The following GALK2 variants were observed in gnomAD, a reference collection of about 807,000 sequenced individuals.
GALK2 encodes the protein galactokinase 2.
A neutral mutation model predicts 52.4 loss-of-function variants in GALK2; 36 were observed. That is an observed-to-expected ratio of 0.69 (90% CI 0.53 to 0.91). The LOEUF is 0.91. Among genes scored for constraint, GALK2 ranks in the 40% least tolerant of loss-of-function variants. The pLI is 0.00. For synonymous variants in GALK2, 176 were observed against 199.1 expected (o/e 0.88, Z 0.98); for missense variants, 579 against 559.1 (o/e 1.04, Z -0.36).
At chr15:49,198,946 G>A (rs28479967) in intron 1 of GALK2, 51,152 of 149,636 alleles carry the variant, frequency 0.34, 9,282 homozygotes, top group East Asian at 0.58. Flanking sequence ...GTGGCTACTC[G>A]CAGGCAGGAT....
chr15:49,326,255 ATTTTTT>A (rs35381509), intron 9 of GALK2, among the ~76,000 whole-genome samples: 11 of 100,700 alleles, frequency 1.1e-4, no homozygotes, highest in African/African-American at 2.2e-4. Flanking sequence ...TATGACAACC[ATTTTTT>A]TTTTTTTTTT....
chr15:49,224,552 C>T (rs533997146), intron 3 of GALK2, among the ~76,000 whole-genome samples: 1 of 152,294 alleles, frequency 6.6e-6, no homozygotes, highest in East Asian at 1.9e-4. Context: ...TACGGCTAAC[C>T]AGTTATACCA....
intron 2 of GALK2, among the ~76,000 whole-genome samples, chr15:49,216,938 C>T (rs1176069394): frequency 2.0e-5 from 3 of 152,096 alleles, no homozygotes; most frequent in African/African-American, 4.8e-5. Context: ...ATGTTAAAAC[C>T]AGGTACTGTG....
intron 2 of GALK2, among the ~76,000 whole-genome samples, chr15:49,210,779 C>T (rs1341051015): frequency 6.6e-6 from 1 of 151,776 alleles, no homozygotes. Context: ...TGTAGTCTCG[C>T]CCTGTTGCCC....
intron 3 of GALK2, among the ~76,000 whole-genome samples, chr15:49,352,695 G>C (rs181267630): frequency 1.1e-4 from 17 of 152,248 alleles, no homozygotes; most frequent in African/African-American, 4.1e-4. Flanking sequence ...AGATAAGACA[G>C]TGAACAAATT....
chr15:49,187,693 C>A (rs1355636277), intron 1 of GALK2, among the ~76,000 whole-genome samples: 1 of 152,100 alleles, frequency 6.6e-6, no homozygotes, highest in Non-Finnish European at 1.5e-5. Context: ...AAGTATTTCC[C>A]TGTAGCCACC....
chr15:49,288,721 G>A (rs1021033847), intron 7 of GALK2, among the ~76,000 whole-genome samples: 2 of 152,232 alleles, frequency 1.3e-5, no homozygotes, highest in Admixed American at 1.3e-4. Context: ...GTGTTTAGTG[G>A]AACCAGATTG....
chr15:49,223,583 C>T (rs2089955386), intron 3 of GALK2, among the ~76,000 whole-genome samples: 1 of 152,162 alleles, frequency 6.6e-6, no homozygotes, highest in South Asian at 2.1e-4. Flanking sequence ...TTGTTCCCAT[C>T]TTTATGTCCC....
intron 5 of GALK2, among the ~76,000 whole-genome samples, chr15:49,248,339 C>T (rs986432710): frequency 1.3e-5 from 2 of 152,166 alleles, no homozygotes; most frequent in Non-Finnish European, 2.9e-5. Context: ...TTTCAGTTTG[C>T]TTAGAATAAC....
intron 3 of GALK2, among the ~76,000 whole-genome samples, chr15:49,350,447 A>G (rs2042080576): frequency 6.6e-6 from 1 of 152,230 alleles, no homozygotes; most frequent in Non-Finnish European, 1.5e-5. Flanking sequence ...ATGTAAAAGT[A>G]TCATTGACTG....
chr15:49,171,841 C>A lies in GALK2; in HGVS notation c.53+1466C>A, dbSNP rs190148735. Among the ~76,000 whole-genome samples, 5 of 151,582 alleles carry A rather than the reference C, an allele frequency of 3.3e-5. No homozygotes were observed. The East Asian group carries it at 9.7e-4, about 29-fold the overall frequency. On this transcript the variant is annotated intron_variant, in intron 1 of 9. Coordinates refer to ENST00000560031, the MANE Select transcript of GALK2 (RefSeq NM_002044.4). ...GGCTGGAGTATAGTGGCGCAGTCTC[C>A]GCTCACTGCAACCTCCACCTCCCAG...
At position 49,328,466 on chromosome 15, in the gene GALK2, T is replaced by C; in HGVS notation, c.*307T>C. The C allele has an allele frequency of 6.6e-7, 1 of 1,520,072 alleles. No individual in the cohort carries two copies. Among genetic ancestry groups the C allele is most frequent in the Non-Finnish European group, 8.8e-7 (1 of 1,133,852 alleles). 94.2% of individuals were successfully genotyped at this position (1,520,072 alleles called of 1,614,324 possible). ...GAATGGTAAAACACACTCTTAATAC[T>C]GATTACATGGATTGGACTTGAATTA... On this transcript the variant is annotated 3_prime_UTR_variant, in exon 10 of 10. Coordinates refer to ENST00000560031, the MANE Select transcript of GALK2 (RefSeq NM_002044.4).
At chr15:49,185,243 T>G (rs535270642) in intron 1 of GALK2, among the ~76,000 whole-genome samples, 1 of 152,322 alleles carries the variant, frequency 6.6e-6, no homozygotes, top group East Asian at 1.9e-4. Flanking sequence ...TGTTTTCTGT[T>G]TATGTGTTTA....
chr15:49,272,770 CAT>C (rs1324505885), intron 5 of GALK2, among the ~76,000 whole-genome samples: 11 of 152,290 alleles, frequency 7.2e-5, no homozygotes, highest in African/African-American at 2.6e-4. Context: ...AGAAACCTAT[CAT>C]AGACATTTCC....
chr15:49,278,903 A>T (rs916794784), intron 5 of GALK2, among the ~76,000 whole-genome samples: 1 of 152,264 alleles, frequency 6.6e-6, no homozygotes, highest in African/African-American at 2.4e-5. Context: ...GGAAACTTAC[A>T]ATCATGGCAG....
At chr15:49,204,151 T>G (rs2141320484) in intron 2 of GALK2, among the ~76,000 whole-genome samples, 1 of 152,182 alleles carries the variant, frequency 6.6e-6, no homozygotes, top group Non-Finnish European at 1.5e-5. Flanking sequence ...TACATGGATT[T>G]AGCTCTGGGT....
chr15:49,324,603 G>A (rs746696652), intron 9 of GALK2, among the ~76,000 whole-genome samples: 8 of 152,024 alleles, frequency 5.3e-5, no homozygotes, highest in Non-Finnish European at 1.2e-4. Flanking sequence ...TGAAGGCTGT[G>A]GTTTCTTGAC....
chr15:49,228,200 G>T (rs918888666), intron 3 of GALK2, among the ~76,000 whole-genome samples: 3 of 152,086 alleles, frequency 2.0e-5, no homozygotes, highest in Non-Finnish European at 2.9e-5. Context: ...CCATGGAGAA[G>T]ACCTTTTAAA....
intron 5 of GALK2, among the ~76,000 whole-genome samples, chr15:49,264,969 G>T (rs538024092): frequency 4.8e-4 from 73 of 152,316 alleles, no homozygotes; most frequent in African/African-American, 1.7e-3. Context: ...CGTGTGAGGT[G>T]TCAGTCTGCC....
Sources: allele counts gnomAD v4.1 joint callset (sites outside exome capture counted in the v4.1 genomes callset), GRCh38; gene constraint gnomAD v4.1.1; transcripts MANE v1.5; gene names NCBI Gene and HGNC (gene_info 2026-07-23, HGNC 2026-07-21).